The following SLC35F4 variants were observed in gnomAD, a reference collection of about 807,000 sequenced individuals.
SLC35F4 encodes solute carrier family 35 member F4.
A neutral mutation model predicts 44.2 loss-of-function variants in SLC35F4; 24 were observed. That is an observed-to-expected ratio of 0.54 (90% confidence interval 0.39 to 0.76). The LOEUF is 0.76. Ranked by LOEUF, SLC35F4 falls within the 30% of genes least tolerant of loss-of-function variation. The pLI is 0.00. For missense variants in SLC35F4, 562 were observed against 586.1 expected (o/e 0.96, Z 0.42); for synonymous variants, 238 against 223.6 (o/e 1.06, Z -0.57).
chr14:57,688,093 T>C (rs963159952), intron 1 of SLC35F4, among the ~76,000 whole-genome samples: 2 of 152,076 alleles, frequency 1.3e-5, no homozygotes, highest in African/African-American at 2.4e-5. Context: ...TTAATTAGTG[T>C]GGAGTAAAGC....
intron 1 of SLC35F4, among the ~76,000 whole-genome samples, chr14:57,606,846 G>A (rs1012001139): frequency 1.1e-4 from 16 of 152,182 alleles, no homozygotes; most frequent in African/African-American, 1.4e-4. Context: ...ATCCATTATA[G>A]TTCAAAACTC....
At chr14:57,657,941 C>A (rs2074019268) in intron 1 of SLC35F4, among the ~76,000 whole-genome samples, 1 of 152,166 alleles carries the variant, frequency 6.6e-6, no homozygotes, top group African/African-American at 2.4e-5. Flanking sequence ...TATTTAACCT[C>A]TCTGAGTCTC....
At chr14:57,950,940 C>T (rs1890128026) in intron 1 of SLC35F4, among the ~76,000 whole-genome samples, 1 of 152,120 alleles carries the variant, frequency 6.6e-6, no homozygotes, top group Admixed American at 6.5e-5. Context: ...CCTGGGATTA[C>T]AGGCACGAGC....
At chr14:57,934,262 A>C (rs904026295) in intron 1 of SLC35F4, among the ~76,000 whole-genome samples, 1 of 150,960 alleles carries the variant, frequency 6.6e-6, no homozygotes, top group Admixed American at 6.6e-5. Context: ...CCCATTAACT[A>C]GGTTGTGGGG....
intron 1 of SLC35F4, among the ~76,000 whole-genome samples, chr14:57,839,230 C>T (rs964388386): frequency 7.9e-5 from 12 of 152,148 alleles, no homozygotes; most frequent in Admixed American, 3.9e-4. Context: ...CTGTTCAGCA[C>T]CAAGATAGGT....
intron 1 of SLC35F4, among the ~76,000 whole-genome samples, chr14:57,666,153 C>G (rs1272006583): frequency 6.6e-6 from 1 of 152,130 alleles, no homozygotes; most frequent in African/African-American, 2.4e-5. Flanking sequence ...ATAGGAAAGT[C>G]CTTTGTTGTG....
intron 1 of SLC35F4, among the ~76,000 whole-genome samples, chr14:57,819,641 TAAAAA>T (rs72330695): frequency 7.2e-6 from 1 of 139,294 alleles, no homozygotes; most frequent in African/African-American, 2.6e-5. Context: ...CCATCTCTAC[TAAAAA>T]AAAAAAAAAT....
intron 1 of SLC35F4, among the ~76,000 whole-genome samples, chr14:57,680,196 G>T (rs769527242): frequency 6.6e-6 from 1 of 152,042 alleles, no homozygotes; most frequent in Non-Finnish European, 1.5e-5. Flanking sequence ...AGCGTCATCC[G>T]TGGGATGCAA....
chr14:57,797,293 G>T (rs2078075923), intron 1 of SLC35F4, among the ~76,000 whole-genome samples: 1 of 152,144 alleles, frequency 6.6e-6, no homozygotes, highest in Non-Finnish European at 1.5e-5. Flanking sequence ...TCTGCCCCAG[G>T]TAATTTATGA....
chr14:57,692,775 C>T (rs2075272218), intron 1 of SLC35F4, among the ~76,000 whole-genome samples: 1 of 151,910 alleles, frequency 6.6e-6, no homozygotes, highest in South Asian at 2.1e-4. Flanking sequence ...AACTGAAAAA[C>T]CCTTACTTAT....
At chr14:57,728,718 C>T (rs1023152727) in intron 1 of SLC35F4, among the ~76,000 whole-genome samples, 3 of 152,102 alleles carry the variant, frequency 2.0e-5, no homozygotes, top group Non-Finnish European at 2.9e-5. Flanking sequence ...CCTCCTTGGC[C>T]TCCCAAAGTG....
chr14:57,729,732 C>T (rs2140467604), intron 1 of SLC35F4, among the ~76,000 whole-genome samples: 1 of 152,316 alleles, frequency 6.6e-6, no homozygotes, highest in South Asian at 2.1e-4. Flanking sequence ...AGGTCACTTG[C>T]TATGCTAGTT....
chr14:57,788,494 CAAGA>C (rs2077826225), intron 1 of SLC35F4, among the ~76,000 whole-genome samples: 1 of 152,088 alleles, frequency 6.6e-6, no homozygotes, highest in Non-Finnish European at 1.5e-5. Context: ...GAACTTTCTC[CAAGA>C]TAGACCATAT....
chr14:57,641,190 A>C (rs146290578), intron 1 of SLC35F4, among the ~76,000 whole-genome samples: 2 of 150,536 alleles, frequency 1.3e-5, no homozygotes, highest in East Asian at 3.9e-4. Flanking sequence ...CACCTATTGC[A>C]TCCTAATTAT....
chr14:57,788,584 A>G (rs2077828834), intron 1 of SLC35F4, among the ~76,000 whole-genome samples: 1 of 152,184 alleles, frequency 6.6e-6, no homozygotes, highest in Admixed American at 6.5e-5. Context: ...ACCACAGTGG[A>G]ATAAAACTGG....
intron 1 of SLC35F4, among the ~76,000 whole-genome samples, chr14:57,771,701 C>T (rs539912557): frequency 2.0e-5 from 3 of 152,294 alleles, no homozygotes; most frequent in Non-Finnish European, 2.9e-5. Flanking sequence ...TTGAGTGATC[C>T]TCCCATCTTA....
At chr14:57,730,226 G>C (rs1194931416) in intron 1 of SLC35F4, among the ~76,000 whole-genome samples, 1 of 152,064 alleles carries the variant, frequency 6.6e-6, no homozygotes, top group Admixed American at 6.5e-5. Context: ...TTTTTTGTGT[G>C]CAGATAGTTG....
chr14:57,794,039 C>A (rs2077994272), intron 1 of SLC35F4, among the ~76,000 whole-genome samples: 1 of 152,016 alleles, frequency 6.6e-6, no homozygotes, highest in Admixed American at 6.6e-5. Context: ...TCCTATCTTT[C>A]ATCATATAAA....
At chr14:57,767,531 T>C (rs2140660245) in intron 1 of SLC35F4, among the ~76,000 whole-genome samples, 1 of 152,228 alleles carries the variant, frequency 6.6e-6, no homozygotes, top group Non-Finnish European at 1.5e-5. Flanking sequence ...ATATGTAGGA[T>C]ACAGTTAAAG....
Sources: gnomAD v4.1 joint callset for allele counts (sites outside exome capture counted in the v4.1 genomes callset) on GRCh38, gnomAD v4.1.1 for gene constraint, MANE v1.5 for transcripts, NCBI Gene and HGNC (gene_info 2026-07-23, HGNC 2026-07-21) for gene names.